Variants in AGPAT3 observed in about 807,000 individuals in gnomAD.
The protein encoded by AGPAT3 is 1-acyl-sn-glycerol-3-phosphate acyltransferase gamma.
AGPAT3 carries 5 observed loss-of-function variants against 47.3 expected under a neutral mutation model. The observed-to-expected ratio is 0.11, with a 90% CI of 0.06 to 0.22. AGPAT3 has a LOEUF of 0.22. Ranked by LOEUF, AGPAT3 falls within the 10% of genes least tolerant of loss-of-function variation. The probability of loss-of-function intolerance (pLI) is 1.00; values close to 1 mark genes in which losing one functional copy is unlikely to be tolerated. For missense variants in AGPAT3, 315 were observed against 493.0 expected (o/e 0.64, Z 3.42); for synonymous variants, 212 against 208.3 (o/e 1.02, Z -0.15).
chr21:43,907,564 A>C (rs2086530313), intron 2 of AGPAT3, among the ~76,000 whole-genome samples: 1 of 152,086 alleles, frequency 6.6e-6, no homozygotes, highest in South Asian at 2.1e-4. Context: ...AAAAATACAA[A>C]AAATTAGCTG....
intron 1 of AGPAT3, among the ~76,000 whole-genome samples, chr21:43,902,705 C>T (rs567725492): frequency 2.0e-4 from 30 of 152,330 alleles, no homozygotes; most frequent in African/African-American, 7.0e-4. Flanking sequence ...AGGATTTCGA[C>T]GTATGAATTT....
intron 3 of AGPAT3, among the ~76,000 whole-genome samples, chr21:43,964,740 C>T (rs553203887): frequency 2.0e-5 from 3 of 152,262 alleles, no homozygotes; most frequent in South Asian, 2.1e-4. Context: ...CAGAAATAAT[C>T]GGCCTCTCCA....
At chr21:43,881,328 AC>A (rs1245052278) in intron 1 of AGPAT3, among the ~76,000 whole-genome samples, 1 of 152,224 alleles carries the variant, frequency 6.6e-6, no homozygotes, top group Non-Finnish European at 1.5e-5. Context: ...CACTATAAAT[AC>A]TTTAGAAGGC....
chr21:43,946,195 C>T (rs969396084), intron 2 of AGPAT3, among the ~76,000 whole-genome samples: 3 of 152,108 alleles, frequency 2.0e-5, no homozygotes, highest in Admixed American at 6.5e-5. Flanking sequence ...CGAGAACTTA[C>T]GGTTTGTCTG....
chr21:43,921,260 C>T (rs2086885406), intron 2 of AGPAT3, among the ~76,000 whole-genome samples: 1 of 152,204 alleles, frequency 6.6e-6, no homozygotes, highest in South Asian at 2.1e-4. Flanking sequence ...GTGCCCTGGA[C>T]ACCCCAGGCC....
chr21:43,966,617 C>T (rs548157667), intron 3 of AGPAT3: 5 of 152,252 alleles, frequency 3.3e-5, no homozygotes, highest in Non-Finnish European at 7.3e-5. Flanking sequence ...TGCACCTGCA[C>T]GCTGTCTGCA....
intron 1 of AGPAT3, among the ~76,000 whole-genome samples, chr21:43,897,973 A>T (rs1183952839): frequency 6.6e-6 from 1 of 152,176 alleles, no homozygotes; most frequent in Non-Finnish European, 1.5e-5. Flanking sequence ...TCCACCAAAA[A>T]TACAAAAACC....
At chr21:43,951,157 C>T (rs2088173849) in intron 2 of AGPAT3, among the ~76,000 whole-genome samples, 1 of 143,732 alleles carries the variant, frequency 7.0e-6, no homozygotes, top group Non-Finnish European at 1.5e-5. Flanking sequence ...GCCACCACCT[C>T]GCAGGGGCCA....
intron 2 of AGPAT3, among the ~76,000 whole-genome samples, chr21:43,918,318 T>G (rs144745043): frequency 6.6e-6 from 1 of 150,740 alleles, no homozygotes; most frequent in African/African-American, 2.4e-5. Context: ...TTGTTGTCTC[T>G]AGAGGTAGCC....
At chr21:43,917,926 G>A (rs527955618) in intron 2 of AGPAT3, among the ~76,000 whole-genome samples, 8 of 74,126 alleles carry the variant, frequency 1.1e-4, no homozygotes, top group Admixed American at 9.2e-4. Flanking sequence ...TGTAGGGGGT[G>A]TGGGTGTTGT....
intron 2 of AGPAT3, among the ~76,000 whole-genome samples, chr21:43,938,058 G>A (rs551445690): frequency 1.3e-4 from 20 of 151,134 alleles, no homozygotes; most frequent in Non-Finnish European, 2.7e-4. Context: ...CTGGTGGGAG[G>A]GCTGCATTTC....
At chr21:43,924,077 C>T (rs1285235717) in intron 2 of AGPAT3, among the ~76,000 whole-genome samples, 2 of 152,076 alleles carry the variant, frequency 1.3e-5, no homozygotes, top group Admixed American at 6.5e-5. Context: ...AGTGCAGTGG[C>T]GTGATCTCAG....
chr21:43,942,355 G>T (rs2087687039), intron 2 of AGPAT3, among the ~76,000 whole-genome samples: 1 of 152,240 alleles, frequency 6.6e-6, no homozygotes, highest in Non-Finnish European at 1.5e-5. Flanking sequence ...CCCAGAGCAG[G>T]AAGGCGGGCT....
rs1341335245 is a variant in AGPAT3 at position 43,985,810 on chromosome 21, G to GCC, written c.*3421_*3422dup. The GCC allele has an allele frequency of 6.4e-6, 1 of 156,066 alleles. No individual in the cohort carries two copies. The highest frequency in any genetic ancestry group is 1.4e-5 in the Non-Finnish European group (1 of 70,308). 9.7% of individuals were successfully genotyped at this position (156,066 alleles called of 1,614,324 possible). A position where few individuals can be genotyped will look rare whatever the true frequency, so the allele number is the denominator to read the frequency against. On this transcript the variant is annotated 3_prime_UTR_variant, in exon 10 of 10. Transcript: ENST00000291572. ...TCTGGCCTGTGGCTCACTGCATGCA[G>GCC]CCCCTGGCGTGCAATACTAGTGCTC...
chr21:43,951,237 A>G (rs1348980402), intron 2 of AGPAT3, among the ~76,000 whole-genome samples: 1 of 152,044 alleles, frequency 6.6e-6, no homozygotes, highest in Non-Finnish European at 1.5e-5. Context: ...GGAAGGGGGG[A>G]AGGAGGGAGC....
chr21:43,866,162 T>C (rs1269953568), intron 1 of AGPAT3, among the ~76,000 whole-genome samples: 7 of 143,120 alleles, frequency 4.9e-5, no homozygotes, highest in Non-Finnish European at 1.1e-4. Flanking sequence ...TTTAGTGACA[T>C]GGGGAAAATG....
chr21:43,939,736 C>T lies in AGPAT3; in HGVS notation c.-48-19898C>T, dbSNP rs1437495445. Among the ~76,000 whole-genome samples the T allele has an allele frequency of 1.3e-5, 2 of 152,182 alleles. No homozygotes were observed. Among genetic ancestry groups the T allele is most frequent in the African/African-American group, 4.8e-5 (2 of 41,452 alleles). ...GAGCACAGGGTAGACCTCACCAACT[C>T]ACCCACAACCTGGCCCCTTGACACA... On this transcript the variant is annotated intron_variant, in intron 2 of 9. Coordinates refer to ENST00000291572, the MANE Select transcript of AGPAT3 (RefSeq NM_020132.5). The surrounding 1 kb of genome is among the most constrained non-coding windows in gnomAD (Gnocchi z 4.4).
chr21:43,925,273 G>T (rs1174331030), intron 2 of AGPAT3: 2 of 152,586 alleles, frequency 1.3e-5, no homozygotes, highest in African/African-American at 4.8e-5. Context: ...GGGTCATGCG[G>T]GGAAGAGGGC....
At chr21:43,877,118 C>T (rs918901136) in intron 1 of AGPAT3, among the ~76,000 whole-genome samples, 4 of 152,190 alleles carry the variant, frequency 2.6e-5, no homozygotes, top group African/African-American at 4.8e-5. Flanking sequence ...CTTGGCCTCC[C>T]GAAGTGCTGG....
Sources: gnomAD v4.1 joint callset for allele counts (sites outside exome capture counted in the v4.1 genomes callset) on GRCh38, gnomAD v4.1.1 for gene constraint, Gnocchi (gnomAD v3.1) non-coding constraint, MANE v1.5 for transcripts, NCBI Gene and HGNC (gene_info 2026-07-23, HGNC 2026-07-21) for gene names.